KCNB2: variants seen among roughly 807,000 people sequenced by gnomAD.
KCNB2 encodes the protein delayed rectifier potassium channel protein.
In KCNB2, 15 loss-of-function variants were observed where a neutral mutation model predicts 61.5. That is an observed-to-expected ratio of 0.24 (90% CI 0.16 to 0.38). KCNB2 has a LOEUF of 0.38. Among genes scored for constraint, KCNB2 ranks in the 10% least tolerant of loss-of-function variants. The pLI, the probability that KCNB2 is intolerant of heterozygous loss-of-function variation, is 1.00. For missense variants in KCNB2, 828 were observed against 1,125.2 expected, an observed-to-expected ratio of 0.74 and a Z score of 3.78; for synonymous variants, 457 against 446.0, an observed-to-expected ratio of 1.02 and a Z score of -0.31.
rs554862354 is a variant in KCNB2, at chr8:72,568,049, C to A, written c.315C>A (p.Thr105=). The change falls in exon 2 of 3, where the codon ACC becomes ACA. Residue 105 remains threonine (T), a synonymous_variant. Transcript: ENST00000523207. ...AFTSILNFYR[T]GKLHMMEEMC... ...CTTCCATTTTAAATTTCTACCGGAC[C>A]GGGAAACTCCATATGATGGAAGAAA... The A allele has an allele frequency of 1.2e-6, 2 of 1,614,026 alleles. No individual in the cohort carries two copies. The highest frequency in any genetic ancestry group is 1.1e-5 in the South Asian group (1 of 91,062).
At chr8:72,929,226 G>A (rs980293290) in intron 2 of KCNB2, among the ~76,000 whole-genome samples, 1 of 152,082 alleles carries the variant, frequency 6.6e-6, no homozygotes, top group Non-Finnish European at 1.5e-5. Context: ...ACCACAAAAC[G>A]TCCATTATCT....
chr8:72,714,660 G>A (rs1214313083), intron 2 of KCNB2, among the ~76,000 whole-genome samples: 2 of 152,112 alleles, frequency 1.3e-5, no homozygotes, highest in Non-Finnish European at 2.9e-5. Context: ...CCTGAAGTAA[G>A]CACTAAACAT....
chr8:72,658,538 T>C (rs1199673205), intron 2 of KCNB2, among the ~76,000 whole-genome samples: 1 of 152,156 alleles, frequency 6.6e-6, no homozygotes, highest in East Asian at 1.9e-4. Flanking sequence ...CTAGCTAAAA[T>C]CATTGGTGAA....
rs139598641 is a variant in KCNB2 at position 72,887,835 on chromosome 8, T to G, written c.580-48100T>G. ...CAGATGGAAGCCAGGGCCCTACACT[T>G]TCTCTCTGCCCAGAAAGGAGCTTGG... On this transcript the variant is annotated intron_variant, in intron 2 of 2. Coordinates refer to ENST00000523207, the MANE Select transcript of KCNB2 (RefSeq NM_004770.3). Among the ~76,000 whole-genome samples, 15 of 152,288 alleles carry G rather than the reference T, an allele frequency of 9.8e-5. No homozygotes were observed. The East Asian group carries it at 2.7e-3, about 28-fold the overall frequency.
chr8:72,875,023 G>C (rs1419705684), intron 2 of KCNB2: 1 of 151,110 alleles, frequency 6.6e-6, no homozygotes, highest in East Asian at 1.9e-4. Context: ...TGCTGCTCTG[G>C]AATCCTGGAG....
chr8:72,540,519 GT>G (rs1027585088), intron 1 of KCNB2, among the ~76,000 whole-genome samples: 1 of 151,724 alleles, frequency 6.6e-6, no homozygotes. Flanking sequence ...GTTGTTGTTT[GT>G]TTTTTTTAAG....
intron 2 of KCNB2, among the ~76,000 whole-genome samples, chr8:72,843,076 GCT>G (rs1809922054): frequency 6.6e-6 from 1 of 152,034 alleles, no homozygotes; most frequent in Non-Finnish European, 1.5e-5. Context: ...GGCATTTAGT[GCT>G]GTAAATTTCC....
intron 2 of KCNB2, among the ~76,000 whole-genome samples, chr8:72,920,040 T>A (rs1347761377): frequency 6.6e-6 from 1 of 152,138 alleles, no homozygotes; most frequent in African/African-American, 2.4e-5. Context: ...GAGATTTGAA[T>A]CCAAAATGTG....
At chr8:72,566,682 G>T (rs1391400795) in intron 1 of KCNB2, among the ~76,000 whole-genome samples, 1 of 149,770 alleles carries the variant, frequency 6.7e-6, no homozygotes, top group Non-Finnish European at 1.5e-5. Context: ...CTGAGATTGT[G>T]CCTGGGCTAC....
At chr8:72,802,116 T>C (rs1809142593) in intron 2 of KCNB2, among the ~76,000 whole-genome samples, 2 of 152,240 alleles carry the variant, frequency 1.3e-5, no homozygotes, top group South Asian at 2.1e-4. Flanking sequence ...CTTGACTTGC[T>C]TCTTTTCAAT....
At chr8:72,783,113 C>A (rs973344756) in intron 2 of KCNB2, among the ~76,000 whole-genome samples, 1 of 152,136 alleles carries the variant, frequency 6.6e-6, no homozygotes, top group African/African-American at 2.4e-5. Flanking sequence ...GTTCTAAGAA[C>A]TTTACAGATA....
intron 2 of KCNB2, among the ~76,000 whole-genome samples, chr8:72,569,792 T>A (rs1264100499): frequency 2.0e-5 from 3 of 152,106 alleles, no homozygotes; most frequent in Non-Finnish European, 4.4e-5. Context: ...GTATTGTGGG[T>A]GTTAAATGAA....
At chr8:72,931,513 C>T (rs1806782883) in intron 2 of KCNB2, among the ~76,000 whole-genome samples, 1 of 152,208 alleles carries the variant, frequency 6.6e-6, no homozygotes, top group Non-Finnish European at 1.5e-5. Flanking sequence ...ACGTCCTTCA[C>T]ATCCCTTGTA....
chr8:72,564,949 T>G (rs1418937731), intron 1 of KCNB2, among the ~76,000 whole-genome samples: 1 of 152,200 alleles, frequency 6.6e-6, no homozygotes, highest in Non-Finnish European at 1.5e-5. Context: ...ATATACCTCC[T>G]TGTAATGAGC....
chr8:72,625,827 G>T (rs1316961007), intron 2 of KCNB2, among the ~76,000 whole-genome samples: 1 of 152,152 alleles, frequency 6.6e-6, no homozygotes, highest in Admixed American at 6.5e-5. Context: ...GAAAGAATGG[G>T]AGGACAGGGG....
At chr8:72,837,465 A>G (rs559337497) in intron 2 of KCNB2, among the ~76,000 whole-genome samples, 5 of 152,344 alleles carry the variant, frequency 3.3e-5, no homozygotes, top group Admixed American at 3.3e-4. Flanking sequence ...TTCCTAAATC[A>G]GATAGACAGG....
chr8:72,647,980 A>C (rs959652137), intron 2 of KCNB2, among the ~76,000 whole-genome samples: 14 of 152,134 alleles, frequency 9.2e-5, no homozygotes, highest in African/African-American at 3.4e-4. Context: ...AAATGCCCTA[A>C]GAAAGAGTGG....
chr8:72,855,574 A>C (rs1413953370), intron 2 of KCNB2, among the ~76,000 whole-genome samples: 1 of 152,144 alleles, frequency 6.6e-6, no homozygotes, highest in Non-Finnish European at 1.5e-5. Context: ...TATTAAGCTT[A>C]TTCAATTATG....
chr8:72,904,723 T>G (rs1806145054), intron 2 of KCNB2, among the ~76,000 whole-genome samples: 1 of 152,112 alleles, frequency 6.6e-6, no homozygotes, highest in Non-Finnish European at 1.5e-5. Flanking sequence ...TTTTTTTAAA[T>G]GTTTCTTCAT....
Sources: allele counts gnomAD v4.1 joint callset (sites outside exome capture counted in the v4.1 genomes callset), GRCh38; gene constraint gnomAD v4.1.1; transcripts MANE v1.5; gene names NCBI Gene and HGNC (gene_info 2026-07-23, HGNC 2026-07-21).